Variants in SOWAHB observed in about 807,000 individuals in gnomAD.
SOWAHB encodes the protein ankyrin repeat domain-containing protein SOWAHB.
SOWAHB carries 17 observed loss-of-function variants against 18.3 expected under a neutral mutation model. The ratio of observed to expected loss-of-function variants is 0.93; its 90% confidence interval spans 0.64 to 1.40. The LOEUF is 1.40. Among genes scored for constraint, SOWAHB ranks in the 40% most tolerant of loss-of-function variants. SOWAHB has a pLI of 0.00. For missense variants in SOWAHB, 1,126 were observed against 1,033.7 expected (o/e 1.09, Z -1.22); for synonymous variants, 496 against 448.1 (o/e 1.11, Z -1.35).
chr4:76,895,275 G>C lies in SOWAHB; in HGVS notation c.*193C>G, dbSNP rs538927579. On this transcript the variant is annotated 3_prime_UTR_variant, in exon 1 of 1. Coordinates refer to ENST00000334306, the MANE Select transcript of SOWAHB (RefSeq NM_001029870.3). The stretch of plus-strand genomic sequence containing the variant: ...TCTTGTCTAGGTTTCTCCAGTCAAG[G>C]AGTTCAGCTTTCAAAAAGCTTGGAT... The C allele has an allele frequency of 1.9e-4, 107 of 553,692 alleles. No homozygotes were observed. Among genetic ancestry groups the C allele is most frequent in the African/African-American group, 1.9e-3 (101 of 53,042 alleles). 34.3% of individuals were successfully genotyped at this position (553,692 alleles called of 1,614,324 possible).
At position 76,897,170 on chromosome 4, in the gene SOWAHB, C is replaced by A. The variant is rs757611265; in HGVS notation, c.680G>T (p.Arg227Leu). 43 of 1,566,990 alleles carry A rather than the reference C, an allele frequency of 2.7e-5. No individual in the cohort carries two copies. Among genetic ancestry groups the A allele is most frequent in the Non-Finnish European group, 3.3e-5 (39 of 1,164,280 alleles). ...HSATAEEKPA[R>L]ALPAQDDRGA... ...GCGGTCATCCTGGGCAGGCAGAGCC[C>A]GTGCCGGCTTCTCCTCCGCGGTGGC... The change falls in exon 1 of 1, where the codon CGG becomes CTG. Residue 227 changes from arginine to leucine, a missense_variant. Transcript: ENST00000334306. This position sits in a 1 kb window ranked among gnomAD's most constrained non-coding sequence, Gnocchi z 6.4.
rs570623185 is a variant in SOWAHB at position 76,897,646 on chromosome 4, G to T, written c.204C>A (p.Thr68=). 1.2e-6 allele frequency: 2 copies of T among 1,612,322 alleles called. No individual in the cohort carries two copies. The highest frequency in any genetic ancestry group is 1.7e-5 in the Admixed American group (1 of 60,020). The change falls in exon 1 of 1, where the codon ACC becomes ACA. Residue 68 remains threonine (T), a synonymous_variant. Coordinates refer to ENST00000334306, the MANE Select transcript of SOWAHB (RefSeq NM_001029870.3). This position sits in a 1 kb window ranked among gnomAD's most constrained non-coding sequence, Gnocchi z 6.4. The part of the protein sequence containing the change: ...VAAVRQDPDG[T]KYVVLKRRYR... Reference sequence around the variant, plus strand: ...ATCTCCTCTTGAGCACCACGTACTTGGTGCCGTCGGGGTCCTGGCGCACTG... The same window carrying T: ...ATCTCCTCTTGAGCACCACGTACTTTGTGCCGTCGGGGTCCTGGCGCACTG...
chr4:76,895,768 A>G lies in SOWAHB; in HGVS notation c.2082T>C (p.Ala694=). 6.2e-7 allele frequency: 1 copy of G among 1,614,208 alleles called. No homozygotes were observed. The highest frequency in any genetic ancestry group is 2.2e-5 in the East Asian group (1 of 44,882). Residue 694 remains alanine (A), a synonymous_variant, in exon 1 of 1, where the codon GCT becomes GCC. Transcript: ENST00000334306. ...GVIKLLVQRL[A]SRVNVRDSSG... ...TGCTGTCCCTGACATTTACCCGAGA[A>G]GCCAACCTTTGCACTAGCAATTTGA... is the stretch of plus-strand genomic sequence containing the variant.
At position 76,897,809 on chromosome 4, in the gene SOWAHB, A is replaced by C; in HGVS notation, c.41T>G (p.Leu14Arg). 1.2e-6 allele frequency: 2 copies of C among 1,600,318 alleles called. No individual in the cohort carries two copies. Among genetic ancestry groups the C allele is most frequent in the South Asian group, 2.2e-5 (2 of 91,084 alleles). Residue 14 changes from leucine (L) to arginine (R), a missense_variant, in exon 1 of 1, where the codon CTG (leucine) becomes CGG (arginine). By Grantham distance (102) the Leu-to-Arg change is moderately radical. Coordinates refer to ENST00000334306, the MANE Select transcript of SOWAHB (RefSeq NM_001029870.3). The surrounding 1 kb of genome is among the most constrained non-coding windows in gnomAD (Gnocchi z 6.4). ...GGTCACGCGGCCCCCAGCCTGGCACAGAAAGTCCAGTAGTGCCTCCTGGCT... is the reference window on the plus strand; with the variant it reads ...GGTCACGCGGCCCCCAGCCTGGCACCGAAAGTCCAGTAGTGCCTCCTGGCT... ...ELSQEALLDF[L>R]CQAGGRVTNA...
chr4:76,895,380 A>G lies in SOWAHB; in HGVS notation c.*88T>C, dbSNP rs1719884485. On this transcript the variant is annotated 3_prime_UTR_variant, in exon 1 of 1. Coordinates refer to ENST00000334306, the MANE Select transcript of SOWAHB (RefSeq NM_001029870.3). ...TCTCACTCGACCATCCTCTTTACCA[A>G]CTCTCAGCAGCTTTTCTATTCCCCC... 1.5e-6 allele frequency: 2 copies of G among 1,318,902 alleles called. No individual in the cohort carries two copies. Among genetic ancestry groups the G allele is most frequent in the East Asian group, 2.3e-5 (1 of 43,080 alleles). 81.7% of individuals were successfully genotyped at this position (1,318,902 alleles called of 1,614,324 possible).
rs920798770 is a variant in SOWAHB at position 76,895,950 on chromosome 4, C to T, written c.1900G>A (p.Ala634Thr). Residue 634 changes from alanine (A) to threonine (T), a missense_variant, in exon 1 of 1, where the codon GCG becomes ACG. Coordinates refer to ENST00000334306, the MANE Select transcript of SOWAHB (RefSeq NM_001029870.3). ...LHKDFLTGYT[A>T]LHWIAKHGDL... ...CCATGTTTGGCTATCCAGTGCAACG[C>T]AGTGTACCCAGTCAAAAAGTCTTTG... 1.1e-5 allele frequency: 17 copies of T among 1,614,064 alleles called. No individual in the cohort carries two copies. Among genetic ancestry groups the T allele is most frequent in the Non-Finnish European group, 1.4e-5 (17 of 1,180,064 alleles).
rs1421773240 is a variant in SOWAHB, at chr4:76,896,233, G to C, written c.1617C>G (p.Pro539=). 1 of 1,585,766 alleles carries C rather than the reference G, an allele frequency of 6.3e-7. No individual in the cohort carries two copies. Among genetic ancestry groups the C allele is most frequent in the Admixed American group, 1.8e-5 (1 of 54,964 alleles). The change falls in exon 1 of 1, where the codon CCC becomes CCG. Residue 539 remains proline, a synonymous_variant. Transcript: ENST00000334306. ...SRKPSKAGTA[P]SPRVDAGLSL... is the part of the protein sequence containing the mutation. Reference sequence around the variant, plus strand: ...ATAAACCTGCATCAACCCTTGGGCTGGGTGCCGTTCCTGCCTTGGAGGGCT... The same window carrying C: ...ATAAACCTGCATCAACCCTTGGGCTCGGTGCCGTTCCTGCCTTGGAGGGCT...
rs1021140738 is a variant in SOWAHB at position 76,897,185 on chromosome 4, T to C, written c.665A>G (p.Glu222Gly). Residue 222 changes from glutamate (E) to glycine (G), a missense_variant, in exon 1 of 1, where the codon GAG (glutamate) becomes GGG (glycine). By Grantham distance (98) the Glu-to-Gly change is moderately conservative (BLOSUM62 -2). Transcript: ENST00000334306. This position sits in a 1 kb window ranked among gnomAD's most constrained non-coding sequence, Gnocchi z 6.4. ...LGALPHSATAEEKPARALPAQ... is the reference protein window; with the variant it reads ...LGALPHSATAGEKPARALPAQ... ...AGGCAGAGCCCGTGCCGGCTTCTCC[T>C]CCGCGGTGGCCGAGTGCGGGAGTGC... 2.5e-6 allele frequency: 4 copies of C among 1,576,134 alleles called. No individual in the cohort carries two copies. The African/African-American group carries it at 5.4e-5, about 21-fold the overall frequency.
chr4:76,895,440 G>A lies in SOWAHB; in HGVS notation c.*28C>T. ...TCACTGAGCAGGATGAGGGAGTGCT[G>A]CCTGCATGTTGGACAGAGAGACCCA... is the stretch of plus-strand genomic sequence containing the variant. On this transcript the variant is annotated 3_prime_UTR_variant, in exon 1 of 1. Coordinates refer to ENST00000334306, the MANE Select transcript of SOWAHB (RefSeq NM_001029870.3). 1.3e-6 allele frequency: 2 copies of A among 1,546,534 alleles called. No individual in the cohort carries two copies. The highest frequency in any genetic ancestry group is 1.8e-6 in the Non-Finnish European group (2 of 1,142,434).
rs773278114 is a variant in SOWAHB, at chr4:76,896,911, G to A, written c.939C>T (p.His313=). ...GATCACGGGCCTCGGGCACCTGCGG[G>A]TGCCTGGCCACCCACTCTCGAGTGC... ...QQRTREWVAR[H]PQVPEARDQG... is the part of the protein sequence containing the mutation. Residue 313 remains histidine, a synonymous_variant, in exon 1 of 1, where the codon CAC becomes CAT. Transcript: ENST00000334306. 6.2e-7 allele frequency: 1 copy of A among 1,611,856 alleles called. No homozygotes were observed.
rs1468644071 is a variant in SOWAHB, at chr4:76,894,956, T to C, written c.*512A>G. ...CAGTAATAATTTTATTTCACTGATT[T>C]AAATGCCAAAAAAAGAAAAATAAAG... On this transcript the variant is annotated 3_prime_UTR_variant, in exon 1 of 1. Transcript: ENST00000334306. 1 of 152,432 alleles carries C rather than the reference T, an allele frequency of 6.6e-6. No individual in the cohort carries two copies. Among genetic ancestry groups the C allele is most frequent in the African/African-American group, 2.4e-5 (1 of 41,438 alleles). 9.4% of individuals were successfully genotyped at this position (152,432 alleles called of 1,614,324 possible).
chr4:76,896,593 A>G lies in SOWAHB; in HGVS notation c.1257T>C (p.Ser419=). The change falls in exon 1 of 1, where the codon TCT becomes TCC. Residue 419 remains serine, a synonymous_variant. Transcript: ENST00000334306. ...SSGPKDSPGA[S]EEGLQVVLGT... ...CCAAGACAACCTGCAGCCCCTCTTCAGAAGCCCCCGGGGAGTCTTTGGGCC... is the reference window on the plus strand; with the variant it reads ...CCAAGACAACCTGCAGCCCCTCTTCGGAAGCCCCCGGGGAGTCTTTGGGCC... 6.2e-7 allele frequency: 1 copy of G among 1,613,714 alleles called. No individual in the cohort carries two copies. The highest frequency in any genetic ancestry group is 1.1e-5 in the South Asian group (1 of 91,062).
chr4:76,896,084 G>T lies in SOWAHB; in HGVS notation c.1766C>A (p.Ser589Tyr). Reference sequence around the variant, plus strand: ...CTCCCTGGCATCTAGTGGAACCAGGGATGATTTGTGCTCAGAAGTTCTGTG... The same window carrying T: ...CTCCCTGGCATCTAGTGGAACCAGGTATGATTTGTGCTCAGAAGTTCTGTG... The part of the protein sequence containing the change: ...APHRTSEHKS[S>Y]LVPLDAREHE... The change falls in exon 1 of 1, where the codon TCC (serine) becomes TAC (tyrosine). Residue 589 changes from serine (S) to tyrosine (Y), a missense_variant. Ser to Tyr is a moderately radical substitution (Grantham distance 144). Transcript: ENST00000334306. 1 of 1,591,340 alleles carries T rather than the reference G, an allele frequency of 6.3e-7. No individual in the cohort carries two copies. Among genetic ancestry groups the T allele is most frequent in the Non-Finnish European group, 8.6e-7 (1 of 1,169,234 alleles).
In SOWAHB at chr4:76,895,161, CA is replaced by C. The variant is rs1274871850; in HGVS notation, c.*306del. The C allele has an allele frequency of 5.0e-5, 12 of 241,786 alleles. No individual in the cohort carries two copies. Among genetic ancestry groups the C allele is most frequent in the Non-Finnish European group, 9.5e-5 (12 of 126,696 alleles). The allele number at this position is 241,786 out of a possible 1,614,324, so 15.0% of individuals were successfully genotyped here. ...TAGCCAAGGCCTGGGACTCCTGCTTCAGGAAACAATATGGCTTACTGTGCCC... is the reference window on the plus strand; with the variant it reads ...TAGCCAAGGCCTGGGACTCCTGCTTCGGAAACAATATGGCTTACTGTGCCC... On this transcript the variant is annotated 3_prime_UTR_variant, in exon 1 of 1. Coordinates refer to ENST00000334306, the MANE Select transcript of SOWAHB (RefSeq NM_001029870.3).
Position 76,895,928 on chromosome 4 carries a change from TG to T in SOWAHB, c.1921del (p.His641MetfsTer23). The T allele has an allele frequency of 1.2e-6, 2 of 1,614,140 alleles. No individual in the cohort carries two copies. Among genetic ancestry groups the T allele is most frequent in the Admixed American group, 1.7e-5 (1 of 60,030 alleles). On this transcript the variant is annotated frameshift_variant, in exon 1 of 1. Coordinates refer to ENST00000334306, the MANE Select transcript of SOWAHB (RefSeq NM_001029870.3). LOFTEE classifies it high-confidence loss of function. The stretch of plus-strand genomic sequence containing the variant: ...GTCCTGAAGGGCCCTGAGGTCACCA[TG>T]TTTGGCTATCCAGTGCAACGCAGTG... ...GYTALHWIAK[H>X]GDLRALQDLV... is the part of the protein sequence containing the mutation.
chr4:76,895,891 T>C lies in SOWAHB; in HGVS notation c.1959A>G (p.Gly653=). ...CAAGGACAATCCCTGCCTTCTTTGC[T>C]CCAGACACCAAGTCCTGAAGGGCCC... ...DLRALQDLVS[G]AKKAGIVLDV... Residue 653 remains glycine (G), a synonymous_variant, in exon 1 of 1, where the codon GGA becomes GGG. Transcript: ENST00000334306. 1 of 1,614,162 alleles carries C rather than the reference T, an allele frequency of 6.2e-7. No homozygotes were observed. Among genetic ancestry groups the C allele is most frequent in the South Asian group, 1.1e-5 (1 of 91,076 alleles).
chr4:76,895,586 C>T lies in SOWAHB; in HGVS notation c.2264G>A (p.Ser755Asn), dbSNP rs1358449518. The change falls in exon 1 of 1, where the codon AGT becomes AAT. Residue 755 changes from serine to asparagine, a missense_variant. Ser to Asn is a conservative substitution (Grantham distance 46). Transcript: ENST00000334306. ...AGCGAAGGAAGTTTTTCGGGTGACA[C>T]TTCTAGATATTTCCTTGCTCTTGGC... The part of the protein sequence containing the change: ...RKAKSKEISR[S>N]VTRKTSFAAL... The T allele has an allele frequency of 1.2e-6, 2 of 1,614,200 alleles. No homozygotes were observed. The highest frequency in any genetic ancestry group is 1.1e-5 in the South Asian group (1 of 91,080).
In SOWAHB at chr4:76,898,103, C is replaced by A. The variant is rs1719981988; in HGVS notation, c.-254G>T. On this transcript the variant is annotated 5_prime_UTR_variant, in exon 1 of 1. Transcript: ENST00000334306. The stretch of plus-strand genomic sequence containing the variant: ...GAGGGCGGCTCCGAGGCCGCCCCTG[C>A]GCGACTCTAGCCTCTCGCAACGAGT... 2.0e-6 allele frequency: 1 copy of A among 490,834 alleles called. No individual in the cohort carries two copies. Among genetic ancestry groups the A allele is most frequent in the South Asian group, 2.8e-5 (1 of 35,216 alleles). 30.4% of individuals were successfully genotyped at this position (490,834 alleles called of 1,614,324 possible).
chr4:76,897,132 C>T lies in SOWAHB; in HGVS notation c.718G>A (p.Glu240Lys). The change falls in exon 1 of 1, where the codon GAG becomes AAG. Residue 240 changes from glutamate to lysine, a missense_variant. Physicochemically the swap from Glu to Lys is moderately conservative, Grantham distance 56. Coordinates refer to ENST00000334306, the MANE Select transcript of SOWAHB (RefSeq NM_001029870.3). This position sits in a 1 kb window ranked among gnomAD's most constrained non-coding sequence, Gnocchi z 6.4. Reference sequence around the variant, plus strand: ...TCAGCTAGCGCGCCTTCTTCCCGCTCCCTGGAAGCCCCGCGGTCATCCTGG... The same window carrying T: ...TCAGCTAGCGCGCCTTCTTCCCGCTTCCTGGAAGCCCCGCGGTCATCCTGG... The part of the protein sequence containing the change: ...PAQDDRGASR[E>K]REEGALAEPA... 6.5e-7 allele frequency: 1 copy of T among 1,542,906 alleles called. No individual in the cohort carries two copies. Among genetic ancestry groups the T allele is most frequent in the Non-Finnish European group, 8.7e-7 (1 of 1,150,566 alleles).
Sources: allele counts gnomAD v4.1 joint callset, GRCh38; gene constraint gnomAD v4.1.1; non-coding constraint Gnocchi (gnomAD v3.1); transcripts MANE v1.5; gene names NCBI Gene and HGNC (gene_info 2026-07-23, HGNC 2026-07-21).